SOX6: variants seen among roughly 807,000 people sequenced by gnomAD.
SOX6 encodes transcription factor SOX-6.
SOX6 carries 11 observed loss-of-function variants against 97.8 expected under a neutral mutation model. The observed-to-expected ratio is 0.11, with a 90% CI of 0.07 to 0.19. The LOEUF (loss-of-function observed/expected upper bound fraction) is 0.19, where lower values mean the gene tolerates loss of function less well. SOX6 is among the 10% of genes least tolerant of loss of function. SOX6 has a pLI of 1.00. For synonymous variants in SOX6, 360 were observed against 371.4 expected, an observed-to-expected ratio of 0.97 and a Z score of 0.35; for missense variants, 810 against 1,039.5, an observed-to-expected ratio of 0.78 and a Z score of 3.04.
At chr11:16,648,157 G>T (rs994292383) in intron 3 of SOX6, among the ~76,000 whole-genome samples, 1 of 152,072 alleles carries the variant, frequency 6.6e-6, no homozygotes, top group African/African-American at 2.4e-5. Flanking sequence ...CATGGCCTGG[G>T]GTAAGGTTTC....
At chr11:16,687,462 TAG>T (rs1296927507) in intron 3 of SOX6, among the ~76,000 whole-genome samples, 7 of 152,208 alleles carry the variant, frequency 4.6e-5, no homozygotes, top group Admixed American at 3.9e-4. Context: ...GCATTTTTAG[TAG>T]AGACAGGGTT....
chr11:16,338,014 T>C (rs1439262037), intron 2 of SOX6, among the ~76,000 whole-genome samples: 1 of 152,074 alleles, frequency 6.6e-6, no homozygotes, highest in African/African-American at 2.4e-5. Context: ...GGTCATGACA[T>C]TTCAAAGTAA....
chr11:16,418,310 T>A (rs985023951), intron 1 of SOX6, among the ~76,000 whole-genome samples: 1 of 152,176 alleles, frequency 6.6e-6, no homozygotes, highest in Non-Finnish European at 1.5e-5. Flanking sequence ...TTTCCTCTGC[T>A]TTCTATCACT....
chr11:16,395,414 A>G (rs1437467341), intron 1 of SOX6, among the ~76,000 whole-genome samples: 1 of 151,810 alleles, frequency 6.6e-6, no homozygotes, highest in Non-Finnish European at 1.5e-5. Flanking sequence ...AATGAATAGG[A>G]ATCACTCTGA....
intron 6 of SOX6, among the ~76,000 whole-genome samples, chr11:16,157,154 T>G (rs554292973): frequency 1.3e-5 from 2 of 152,024 alleles, no homozygotes; most frequent in Non-Finnish European, 2.9e-5. Context: ...ATTCTATAGA[T>G]TTATTTCCTC....
rs115241623 is a variant in SOX6, at chr11:16,719,067, T to G, written n.354-4162A>C. ...CTCATATTACACAAGTACATAATTT[T>G]AAAATGTAATTTCCAAAACTGTAAA... On this transcript the variant is annotated intron_variant and non_coding_transcript_variant, in intron 2 of 5. Transcript: ENST00000524520. Among the ~76,000 whole-genome samples the G allele has an allele frequency of 4.6e-3, 702 of 151,978 alleles. 6 individuals are homozygous for G. Among genetic ancestry groups the G allele is most frequent in the African/African-American group, 0.016 (678 of 41,472 alleles).
chr11:16,721,955 A>G (rs1848270436), intron 2 of SOX6, among the ~76,000 whole-genome samples: 1 of 152,076 alleles, frequency 6.6e-6, no homozygotes, highest in Non-Finnish European at 1.5e-5. Context: ...TCCCTATTCA[A>G]TAAATGGTGC....
chr11:15,967,318 A>C lies in SOX6; in HGVS notation c.*5491T>G, dbSNP rs1853166081. 6.6e-6 allele frequency: 1 copy of C among 152,232 alleles called. No homozygotes were observed. Among genetic ancestry groups the C allele is most frequent in the African/African-American group, 2.4e-5 (1 of 41,452 alleles). The allele number at this position is 152,232 out of a possible 1,614,324, so 9.4% of individuals were successfully genotyped here. A position where few individuals can be genotyped will look rare whatever the true frequency, so the allele number is the denominator to read the frequency against. On this transcript the variant is annotated 3_prime_UTR_variant, in exon 16 of 16. Coordinates refer to ENST00000683767, the MANE Select transcript of SOX6 (RefSeq NM_001367873.1). ...CACAGTACCTTGACAACAGAGTTGC[A>C]GTTGTCCCAACAGCCCTACACAAAC... is the stretch of plus-strand genomic sequence containing the variant.
intron 12 of SOX6, among the ~76,000 whole-genome samples, chr11:16,032,615 T>C (rs1246090302): frequency 6.6e-6 from 1 of 151,898 alleles, no homozygotes; most frequent in Non-Finnish European, 1.5e-5. Context: ...TCATTATCCT[T>C]TATTCTCTCT....
chr11:16,162,486 T>A (rs1490660608), intron 6 of SOX6, among the ~76,000 whole-genome samples: 3 of 152,106 alleles, frequency 2.0e-5, no homozygotes, highest in African/African-American at 7.2e-5. Flanking sequence ...TGGTGCTGGC[T>A]TCACAATAGT....
rs1444634769 is a variant in SOX6, at chr11:16,484,302, G to T, written n.610-7914C>A. 6.4e-6 allele frequency: 7 copies of T among 1,090,988 alleles called. No individual in the cohort carries two copies. In the Admixed American group the frequency reaches 1.2e-4, roughly 18 times the overall value. The allele number at this position is 1,090,988 out of a possible 1,614,324, so 67.6% of individuals were successfully genotyped here. On this transcript the variant is annotated intron_variant and non_coding_transcript_variant, in intron 4 of 5. Transcript: ENST00000524520. Reference sequence around the variant, plus strand: ...ACCACATTGCCCGACTCATCCAATGGGGAAAATTCCCTCCCAGGCTTAAAG... The same window carrying T: ...ACCACATTGCCCGACTCATCCAATGTGGAAAATTCCCTCCCAGGCTTAAAG...
chr11:16,289,052 T>C (rs1337576898), intron 3 of SOX6, among the ~76,000 whole-genome samples: 2 of 151,736 alleles, frequency 1.3e-5, no homozygotes, highest in Non-Finnish European at 2.9e-5. Context: ...ATGAATTTAT[T>C]GAGAAAAAAA....
At chr11:16,686,263 T>C (rs529805314) in intron 3 of SOX6, among the ~76,000 whole-genome samples, 11 of 152,288 alleles carry the variant, frequency 7.2e-5, no homozygotes, top group Non-Finnish European at 1.3e-4. Flanking sequence ...AAAATCTTTT[T>C]CTTTCTTTGC....
At chr11:16,646,822 T>C (rs573889809) in intron 3 of SOX6, among the ~76,000 whole-genome samples, 3 of 152,352 alleles carry the variant, frequency 2.0e-5, no homozygotes, top group African/African-American at 7.2e-5. Flanking sequence ...ATTTTTGCAA[T>C]TGCCAATCAT....
intron 1 of SOX6, among the ~76,000 whole-genome samples, chr11:16,462,384 G>C (rs907890535): frequency 6.6e-6 from 1 of 152,208 alleles, no homozygotes; most frequent in Non-Finnish European, 1.5e-5. Flanking sequence ...GACACTTTAA[G>C]TTGTCAAGAT....
At chr11:16,536,911 A>G (rs1032799460) in intron 4 of SOX6, among the ~76,000 whole-genome samples, 1 of 152,236 alleles carries the variant, frequency 6.6e-6, no homozygotes, top group African/African-American at 2.4e-5. Flanking sequence ...ACTTCTGAAG[A>G]CTTAAACATC....
At chr11:16,548,898 C>T (rs1046646898) in intron 4 of SOX6, among the ~76,000 whole-genome samples, 9 of 151,710 alleles carry the variant, frequency 5.9e-5, no homozygotes, top group Admixed American at 1.3e-4. Context: ...CATTCCATAA[C>T]GTATACATAT....
intron 6 of SOX6, among the ~76,000 whole-genome samples, chr11:16,177,139 T>C (rs1474966769): frequency 2.0e-5 from 3 of 151,886 alleles, no homozygotes; most frequent in Admixed American, 6.6e-5. Flanking sequence ...ACATTTTAAT[T>C]CCCCAAAAGG....
At chr11:16,433,600 T>C (rs1224188499) in intron 1 of SOX6, among the ~76,000 whole-genome samples, 1 of 152,126 alleles carries the variant, frequency 6.6e-6, no homozygotes, top group Non-Finnish European at 1.5e-5. Flanking sequence ...TCCAATTTAA[T>C]TATTTTATTC....
Sources: allele counts gnomAD v4.1 joint callset (sites outside exome capture counted in the v4.1 genomes callset), GRCh38; gene constraint gnomAD v4.1.1; transcripts MANE v1.5; gene names NCBI Gene and HGNC (gene_info 2026-07-23, HGNC 2026-07-21).